Variants in TONSL observed in about 807,000 individuals in gnomAD.
TONSL encodes tonsoku like, DNA repair protein.
In TONSL, 112 loss-of-function variants were observed where a neutral mutation model predicts 147.1. The observed-to-expected ratio is 0.76, with a 90% CI of 0.65 to 0.89. The LOEUF is 0.89. Among genes scored for constraint, TONSL ranks in the 40% least tolerant of loss-of-function variants. The probability of loss-of-function intolerance (pLI) is 0.00; values close to 1 mark genes in which losing one functional copy is unlikely to be tolerated. For synonymous variants in TONSL, 868 were observed against 801.5 expected (o/e 1.08, Z -1.40); for missense variants, 1,883 against 1,864.6 (o/e 1.01, Z -0.18).
At chr8:144,433,552 G>A in intron 22 of TONSL, 36 bp downstream of exon 22, 27 of 1,606,014 alleles carry the variant, frequency 1.7e-5, no homozygotes, top group Non-Finnish European at 2.2e-5. Context: ...ATGCCCCAGG[G>A]CTAGGGAGTG....
chr8:144,436,548 C>G lies in TONSL; in HGVS notation c.2014+10G>C. 6.2e-7 allele frequency: 1 copy of G among 1,608,464 alleles called. No homozygotes were observed. Among genetic ancestry groups the G allele is most frequent in the East Asian group, 2.2e-5 (1 of 44,850 alleles). ...ACAGCAACCCCAGGGACAAGGGACG[C>G]CCTGCTTGCCTTGGCCCGAGGCAGC... is the stretch of plus-strand genomic sequence containing the variant. On this transcript the variant is annotated intron_variant, in intron 16 of 25. Coordinates refer to ENST00000409379, the MANE Select transcript of TONSL (RefSeq NM_013432.5).
chr8:144,430,368 G>A (rs368381894), intron 25 of TONSL, 36 bp downstream of exon 25: 54 of 1,536,728 alleles, frequency 3.5e-5, no homozygotes, highest in South Asian at 5.0e-5. Flanking sequence ...TGAAAAGGCC[G>A]AACATGGCAG....
At chr8:144,434,959 G>A (rs763968906) in intron 19 of TONSL, 58 bp downstream of exon 19, 373 of 1,611,264 alleles carry the variant, frequency 2.3e-4, no homozygotes, top group Non-Finnish European at 2.9e-4. Context: ...GCAGCCATGA[G>A]CCACCCGGGG....
rs748359246 is a variant in TONSL at position 144,436,566 on chromosome 8, G to C, written c.2006C>G (p.Ser669Trp). Residue 669 changes from serine (S) to tryptophan (W), a missense_variant, in exon 16 of 26, where the codon TCG (serine) becomes TGG (tryptophan). By Grantham distance (177) the Ser-to-Trp change is radical. Coordinates refer to ENST00000409379, the MANE Select transcript of TONSL (RefSeq NM_013432.5). Reference protein sequence around the residue: ...AMEMLLQAAASGQDPHSSQAF... With the variant: ...AMEMLLQAAAWGQDPHSSQAF... ...AGGGACGCCCTGCTTGCCTTGGCCC[G>C]AGGCAGCCGCCTGGAGCAGCATCTC... 3.1e-6 allele frequency: 5 copies of C among 1,610,280 alleles called. No individual in the cohort carries two copies. The highest frequency in any genetic ancestry group is 4.2e-6 in the Non-Finnish European group (5 of 1,179,854).
At chr8:144,441,630 C>A (rs1458928781) in intron 7 of TONSL, 1 of 206,492 alleles carries the variant, frequency 4.8e-6, no homozygotes, top group Middle Eastern at 2.0e-3. Flanking sequence ...GTGCCTGGCT[C>A]AAAGTAAGGG....
At position 144,439,882 on chromosome 8, in the gene TONSL, C is replaced by T. The variant is rs187214534; in HGVS notation, c.1480+139G>A. 553 of 588,632 alleles carry T rather than the reference C, an allele frequency of 9.4e-4. 4 individuals carry two copies. The highest frequency in any genetic ancestry group is 9.3e-3 in the African/African-American group (492 of 52,766). 36.5% of individuals were successfully genotyped at this position (588,632 alleles called of 1,614,324 possible). A position where few individuals can be genotyped will look rare whatever the true frequency, so the allele number is the denominator to read the frequency against. ...GGTCACCACCTTCTCTGTCCAGTTC[C>T]GGGAAAGCACTGGCCGTCCTGCCTG... is the stretch of plus-strand genomic sequence containing the variant. On this transcript the variant is annotated intron_variant, in intron 11 of 25. Transcript: ENST00000409379.
chr8:144,435,965 G>T lies in TONSL; in HGVS notation c.2468C>A (p.Ala823Glu), dbSNP rs749805413. ...CAGGCACTCCTCCTCCGGGATGAGC[G>T]CTGCCTGGGGGGCAAGGGCTTTGCT... ...GHSKALAPQA[A>E]LIPEEECLAG... Residue 823 changes from alanine to glutamate, a missense_variant, in exon 17 of 26, where the codon GCG becomes GAG. Physicochemically the swap from Ala to Glu is moderately radical, Grantham distance 107 (BLOSUM62 -1). Coordinates refer to ENST00000409379, the MANE Select transcript of TONSL (RefSeq NM_013432.5). 1 of 1,557,020 alleles carries T rather than the reference G, an allele frequency of 6.4e-7. No homozygotes were observed. The highest frequency in any genetic ancestry group is 1.2e-5 in the South Asian group (1 of 85,112).
Position 144,435,229 on chromosome 8 carries a change from G to A in TONSL, c.2853-59C>T, listed in dbSNP as rs993092333. On this transcript the variant is annotated intron_variant, in intron 18 of 25. Coordinates refer to ENST00000409379, the MANE Select transcript of TONSL (RefSeq NM_013432.5). ...CACACAGCCGGGGTAATGCCCCAGG[G>A]ACCCGCCATCCCTGCCCAGGGCCAG... is the stretch of plus-strand genomic sequence containing the variant. The A allele has an allele frequency of 3.5e-6, 5 of 1,440,916 alleles. No homozygotes were observed. The African/African-American group carries it at 7.2e-5, about 21-fold the overall frequency. The allele number at this position is 1,440,916 out of a possible 1,614,324, so 89.3% of individuals were successfully genotyped here.
chr8:144,443,853 CT>C, intron 3 of TONSL, 28 bp downstream of exon 3: 1 of 1,541,964 alleles, frequency 6.5e-7, no homozygotes, highest in Non-Finnish European at 8.7e-7. Context: ...GCCGACCGGG[CT>C]GGACGAGGCC....
chr8:144,439,106 C>T (rs1420589843), intron 11 of TONSL, among the ~76,000 whole-genome samples: 3 of 152,234 alleles, frequency 2.0e-5, no homozygotes, highest in South Asian at 2.1e-4. Context: ...CTCCACCCCA[C>T]GCCTTATCCA....
chr8:144,442,294 G>A lies in TONSL; in HGVS notation c.697C>T (p.His233Tyr). The change falls in exon 6 of 26, where the codon CAC becomes TAC. Residue 233 changes from histidine to tyrosine, a missense_variant. His to Tyr is a moderately conservative substitution (Grantham distance 83). Transcript: ENST00000409379. Reference protein sequence around the residue: ...RCLEGARECAHTMRKRFMESE... With the variant: ...RCLEGARECAYTMRKRFMESE... ...TCCATGAACCGCTTCCTCATGGTGT[G>A]CGCACACTCCCGGGCACCCTCCAAG... 6.3e-7 allele frequency: 1 copy of A among 1,599,108 alleles called. No individual in the cohort carries two copies. The highest frequency in any genetic ancestry group is 8.5e-7 in the Non-Finnish European group (1 of 1,169,740).
chr8:144,432,546 C>T, intron 22 of TONSL, 86 bp from the exon 23 acceptor site: 1 of 1,365,008 alleles, frequency 7.3e-7, no homozygotes, highest in African/African-American at 1.5e-5. Flanking sequence ...CTCAGGACCC[C>T]TTTGGGGAAA....
At chr8:144,429,622 C>G (rs1823092846) in intron 25 of TONSL, among the ~76,000 whole-genome samples, 1 of 152,190 alleles carries the variant, frequency 6.6e-6, no homozygotes, top group African/African-American at 2.4e-5. Context: ...ATAAGAAGGA[C>G]ATAATGGATC....
At position 144,435,544 on chromosome 8, in the gene TONSL, C is replaced by G. The variant is rs1348874786; in HGVS notation, c.2782G>C (p.Ala928Pro). 6.4e-7 allele frequency: 1 copy of G among 1,552,266 alleles called. No homozygotes were observed. Residue 928 changes from alanine to proline, a missense_variant, in exon 18 of 26, where the codon GCC becomes CCC. Coordinates refer to ENST00000409379, the MANE Select transcript of TONSL (RefSeq NM_013432.5). ...SSAAGQPLGP[A>P]PPPPIRVRVQ... ...CGAACCCGGATGGGAGGGGGCGGGG[C>G]CGGACCCTGGCAGGTGAAGGCAGCA...
In TONSL at chr8:144,434,008, G is replaced by A; in HGVS notation, c.3357C>T (p.Ala1119=). 6.3e-7 allele frequency: 1 copy of A among 1,598,152 alleles called. No homozygotes were observed. Among genetic ancestry groups the A allele is most frequent in the Non-Finnish European group, 8.5e-7 (1 of 1,170,174 alleles). Residue 1119 remains alanine, a synonymous_variant, in exon 21 of 26, where the codon GCC becomes GCT. Transcript: ENST00000409379. The part of the protein sequence containing the change: ...HLGPEGLRQL[A]MGLPGQATLQ... Reference sequence around the variant, plus strand: ...AGGTGGCTTGGCCTGGGAGCCCCATGGCAAGCTGGCGCAGGCCTTCGGGAC... The same window carrying A: ...AGGTGGCTTGGCCTGGGAGCCCCATAGCAAGCTGGCGCAGGCCTTCGGGAC...
chr8:144,442,851 G>A, intron 4 of TONSL, 45 bp from the exon 5 acceptor site: 1 of 1,580,246 alleles, frequency 6.3e-7, no homozygotes, highest in East Asian at 2.2e-5. Flanking sequence ...CTCCCCACAT[G>A]GGGTTTCCAG....
At position 144,435,187 on chromosome 8, in the gene TONSL, G is replaced by A. The variant is rs574588577; in HGVS notation, c.2853-17C>T. 10 of 1,487,178 alleles carry A rather than the reference G, an allele frequency of 6.7e-6. No homozygotes were observed. The highest frequency in any genetic ancestry group is 6.3e-6 in the Non-Finnish European group (7 of 1,119,794). The allele number at this position is 1,487,178 out of a possible 1,614,324, so 92.1% of individuals were successfully genotyped here. On this transcript the variant is annotated splice_polypyrimidine_tract_variant and intron_variant, in intron 18 of 25. Transcript: ENST00000409379. ...GTGTCACTGCTGCAGGGACAGAGGCGCTGCTGCTGCTGCCTGCACACAGCC... is the reference window on the plus strand; with the variant it reads ...GTGTCACTGCTGCAGGGACAGAGGCACTGCTGCTGCTGCCTGCACACAGCC...
At position 144,429,081 on chromosome 8, in the gene TONSL, G is replaced by A. The variant is rs1823045771; in HGVS notation, c.*62C>T. The A allele has an allele frequency of 5.5e-6, 8 of 1,450,110 alleles. No individual in the cohort carries two copies. The highest frequency in any genetic ancestry group is 7.2e-6 in the Non-Finnish European group (8 of 1,104,434). 89.8% of individuals were successfully genotyped at this position (1,450,110 alleles called of 1,614,324 possible). ...TGGGATTACAGGCGTGAGCCACCGCGCCCGGCCAGCAGCTTCATTTATTAG... is the reference window on the plus strand; with the variant it reads ...TGGGATTACAGGCGTGAGCCACCGCACCCGGCCAGCAGCTTCATTTATTAG... On this transcript the variant is annotated 3_prime_UTR_variant, in exon 26 of 26. Transcript: ENST00000409379.
Position 144,429,304 on chromosome 8 carries a change from G to T in TONSL, c.3976C>A (p.Leu1326Met). 2 of 1,491,688 alleles carry T rather than the reference G, an allele frequency of 1.3e-6. No individual in the cohort carries two copies. Among genetic ancestry groups the T allele is most frequent in the South Asian group, 1.3e-5 (1 of 79,584 alleles). The allele number at this position is 1,491,688 out of a possible 1,614,324, so 92.4% of individuals were successfully genotyped here. ...AGCTGCGCGGCTATCTTGTCCCACAGGCCCAGGCCCAGGGGACCCTGGACG... is the reference window on the plus strand; with the variant it reads ...AGCTGCGCGGCTATCTTGTCCCACATGCCCAGGCCCAGGGGACCCTGGACG... The part of the protein sequence containing the change: ...CAVQGPLGLG[L>M]WDKIAAQLRE... The change falls in exon 26 of 26, where the codon CTG becomes ATG. Residue 1326 changes from leucine (L) to methionine (M), a missense_variant. Leu to Met is a conservative substitution (Grantham distance 15). Transcript: ENST00000409379.
Sources: gnomAD v4.1 joint callset for allele counts (sites outside exome capture counted in the v4.1 genomes callset) on GRCh38, gnomAD v4.1.1 for gene constraint, MANE v1.5 for transcripts, NCBI Gene and HGNC (gene_info 2026-07-23, HGNC 2026-07-21) for gene names.